The following IFNAR2 variants were observed in gnomAD, a reference collection of about 807,000 sequenced individuals.
The protein encoded by IFNAR2 is interferon alpha and beta receptor subunit 2, also known as interferon alpha/beta receptor 2.
A neutral mutation model predicts 49.4 loss-of-function variants in IFNAR2; 30 were observed. The ratio of observed to expected loss-of-function variants is 0.61; its 90% CI spans 0.45 to 0.82. The LOEUF is 0.82. IFNAR2 is among the 40% of genes least tolerant of loss of function. IFNAR2 has a pLI of 0.00. For missense variants in IFNAR2, 600 were observed against 622.7 expected (o/e 0.96, Z 0.39); for synonymous variants, 224 against 234.5 (o/e 0.96, Z 0.41).
At position 33,263,344 on chromosome 21, in the gene IFNAR2, T is replaced by C; in HGVS notation, c.1392T>C (p.Asn464=). 1 of 1,614,152 alleles carries C rather than the reference T, an allele frequency of 6.2e-7. No homozygotes were observed. The highest frequency in any genetic ancestry group is 1.6e-4 in the Middle Eastern group (1 of 6,062). The change falls in exon 9 of 9, where the codon AAT becomes AAC. Residue 464 remains asparagine, a synonymous_variant. Transcript: ENST00000342136. ...TGGTTGACCCAGAGGATCCTGATAA[T>C]GTGCAATCAAACCATTTGCTGGCCA... ...EEMVDPEDPD[N]VQSNHLLASG... is the part of the protein sequence containing the mutation.
At position 33,230,123 on chromosome 21, in the gene IFNAR2, C is replaced by T. The variant is rs17860117; in HGVS notation, c.-177C>T. The T allele has an allele frequency of 5.0e-6, 5 of 992,442 alleles. No homozygotes were observed. In the African/African-American group the frequency reaches 8.7e-5, roughly 17 times the overall value. The allele number at this position is 992,442 out of a possible 1,614,324, so 61.5% of individuals were successfully genotyped here. On this transcript the variant is annotated 5_prime_UTR_variant, in exon 1 of 9. Coordinates refer to ENST00000342136, the MANE Select transcript of IFNAR2 (RefSeq NM_001289125.3). The surrounding 1 kb of genome is among the most constrained non-coding windows in gnomAD (Gnocchi z 5.5). ...TCTGTCCGAGAGGCCGCCCGCGAGG[C>T]GCATCCTGACCGCGAGCGTCGGGTC...
At chr21:33,259,980 C>G (rs936503317) in intron 7 of IFNAR2, among the ~76,000 whole-genome samples, 3 of 152,180 alleles carry the variant, frequency 2.0e-5, no homozygotes, top group African/African-American at 7.2e-5. Flanking sequence ...TGCAAGAGAG[C>G]CTTAGTGATA....
intron 6 of IFNAR2, chr21:33,252,388 C>A: frequency 8.7e-7 from 1 of 1,146,286 alleles, no homozygotes; most frequent in Non-Finnish European, 1.1e-6. Context: ...ACTTTTATTC[C>A]TCTTTGAAGA....
chr21:33,254,741 CT>C (rs1375322586), intron 7 of IFNAR2, among the ~76,000 whole-genome samples: 6 of 152,186 alleles, frequency 3.9e-5, no homozygotes, highest in Non-Finnish European at 7.3e-5. Flanking sequence ...ATTGTCCCAC[CT>C]TTCCAGATTG....
At chr21:33,257,890 G>A (rs911688294) in intron 7 of IFNAR2, among the ~76,000 whole-genome samples, 1 of 152,182 alleles carries the variant, frequency 6.6e-6, no homozygotes, top group Non-Finnish European at 1.5e-5. Flanking sequence ...GGTAGCATTT[G>A]AATAAAGACC....
rs572577422 is a variant in IFNAR2, at chr21:33,254,581, A to T, written c.709+1751A>T. On this transcript the variant is annotated intron_variant, in intron 7 of 8. Transcript: ENST00000342136. ...AAACATTTACAGTCTGTTCTCTCTG[A>T]AGCCTGCTACCAGAGGCTTCATCTG... Among the ~76,000 whole-genome samples the T allele has an allele frequency of 2.0e-5, 3 of 152,318 alleles. No individual in the cohort carries two copies. In the East Asian group the frequency reaches 5.8e-4, roughly 29 times the overall value.
Position 33,242,728 on chromosome 21 carries a change from CAAA to C in IFNAR2, c.55+769_55+771del, listed in dbSNP as rs1182507309. 1.6e-4 allele frequency among the ~76,000 whole-genome samples: 8 copies of C among 48,584 alleles called. 1 individual carries two copies. Among genetic ancestry groups the C allele is most frequent in the South Asian group, 9.2e-4 (1 of 1,092 alleles). 31.9% of individuals were successfully genotyped at this position (48,584 alleles called of 152,430 possible). A position where few individuals can be genotyped will look rare whatever the true frequency, so the allele number is the denominator to read the frequency against. On this transcript the variant is annotated intron_variant, in intron 2 of 8. Transcript: ENST00000342136. ...AGCCTGACAGAGCAAGACTCTGTCT[CAAA>C]AAAAAAAAAAAAAAAAATCTCGTGT...
chr21:33,242,426 C>A (rs1601795720), intron 2 of IFNAR2, among the ~76,000 whole-genome samples: 1 of 152,056 alleles, frequency 6.6e-6, no homozygotes, highest in South Asian at 2.1e-4. Flanking sequence ...CAAGGAAATT[C>A]TTTGATGTTA....
At position 33,265,148 on chromosome 21, in the gene IFNAR2, G is replaced by A. The variant is rs1988880608; in HGVS notation, c.*1648G>A. 6.6e-6 allele frequency: 1 copy of A among 152,138 alleles called. No homozygotes were observed. The highest frequency in any genetic ancestry group is 1.5e-5 in the Non-Finnish European group (1 of 68,032). 9.4% of individuals were successfully genotyped at this position (152,138 alleles called of 1,614,324 possible). On this transcript the variant is annotated 3_prime_UTR_variant, in exon 9 of 9. Transcript: ENST00000342136. The stretch of plus-strand genomic sequence containing the variant: ...AGGTTTTTTGTTTCTGAAGTAAAAG[G>A]ATTGGACTAGGTAATCTCCAAGATC...
chr21:33,238,429 G>A (rs150012094), intron 1 of IFNAR2, among the ~76,000 whole-genome samples: 148 of 152,256 alleles, frequency 9.7e-4, no homozygotes, highest in African/African-American at 3.4e-3. Context: ...TTTCCCCAGT[G>A]TTTGGGGGAC....
intron 7 of IFNAR2, among the ~76,000 whole-genome samples, chr21:33,255,135 A>G (rs1988119522): frequency 6.6e-6 from 1 of 152,242 alleles, no homozygotes; most frequent in Non-Finnish European, 1.5e-5. Context: ...TATGTCAGCA[A>G]ATACAGGCAA....
At chr21:33,244,126 C>T (rs1011847168) in intron 3 of IFNAR2, among the ~76,000 whole-genome samples, 3 of 152,004 alleles carry the variant, frequency 2.0e-5, no homozygotes, top group African/African-American at 7.3e-5. Flanking sequence ...TAAATCTGTC[C>T]ACAAAACTTC....
In IFNAR2 at chr21:33,263,265, A is replaced by T; in HGVS notation, c.1313A>T (p.Glu438Val). ...GTGTTTTTGAGAGTTCTTGATGACG[A>T]GGACAGTGACGACTTAGAAGCCCCT... ...NSVFLRVLDD[E>V]DSDDLEAPLM... The change falls in exon 9 of 9, where the codon GAG becomes GTG. Residue 438 changes from glutamate to valine, a missense_variant. By Grantham distance (121) the Glu-to-Val change is moderately radical (BLOSUM62 -2). Coordinates refer to ENST00000342136, the MANE Select transcript of IFNAR2 (RefSeq NM_001289125.3). 5 of 1,614,226 alleles carry T rather than the reference A, an allele frequency of 3.1e-6. No homozygotes were observed. Among genetic ancestry groups the T allele is most frequent in the Non-Finnish European group, 4.2e-6 (5 of 1,180,038 alleles).
rs1243365293 is a variant in IFNAR2 at position 33,234,223 on chromosome 21, G to GTGTGTGTA, written c.-84+4008_-84+4009insGTGTGTAT. On this transcript the variant is annotated intron_variant, in intron 1 of 8. Coordinates refer to ENST00000342136, the MANE Select transcript of IFNAR2 (RefSeq NM_001289125.3). ...TGTGTGTGTGTGTGTGTGTGTGTGT[G>GTGTGTGTA]TTTATGCATAGAAAGATCTGTGGGA... 2.0e-5 allele frequency among the ~76,000 whole-genome samples: 3 copies of GTGTGTGTA among 151,036 alleles called. No individual in the cohort carries two copies. The South Asian group carries it at 6.3e-4, about 32-fold the overall frequency.
chr21:33,242,112 T>A, intron 2 of IFNAR2, 135 bp downstream of exon 2: 1 of 701,832 alleles, frequency 1.4e-6, no homozygotes, highest in Non-Finnish European at 2.3e-6. Context: ...TGTCAGGAGT[T>A]AAGTGGAAAG....
In IFNAR2 at chr21:33,252,839, A is replaced by C. The variant is rs932621997; in HGVS notation, c.709+9A>C. On this transcript the variant is annotated intron_variant, in intron 7 of 8. Coordinates refer to ENST00000342136, the MANE Select transcript of IFNAR2 (RefSeq NM_001289125.3). ...ACCTGGCCAGGAATCAGGTATGTTC[A>C]TTTTTTTAAATTCATGTTTTGAGTA... 1.9e-6 allele frequency: 3 copies of C among 1,604,918 alleles called. No individual in the cohort carries two copies. Among genetic ancestry groups the C allele is most frequent in the Non-Finnish European group, 2.6e-6 (3 of 1,171,712 alleles).
At position 33,246,292 on chromosome 21, in the gene IFNAR2, A is replaced by C. The variant is rs372414048; in HGVS notation, c.222-426A>C. ...TCACCATGTTAGCCAGGATGGTCTC[A>C]ATCTCCTGACCTCGTGATCCGCCCG... On this transcript the variant is annotated intron_variant, in intron 4 of 8. Coordinates refer to ENST00000342136, the MANE Select transcript of IFNAR2 (RefSeq NM_001289125.3). Among the ~76,000 whole-genome samples, 14 of 151,922 alleles carry C rather than the reference A, an allele frequency of 9.2e-5. No individual in the cohort carries two copies. In the East Asian group the frequency reaches 1.9e-3, roughly 21 times the overall value.
chr21:33,263,559 C>T lies in IFNAR2; in HGVS notation c.*59C>T, dbSNP rs1412764111. 19 of 1,486,792 alleles carry T rather than the reference C, an allele frequency of 1.3e-5. No homozygotes were observed. The highest frequency in any genetic ancestry group is 1.7e-5 in the Non-Finnish European group (19 of 1,112,662). 92.1% of individuals were successfully genotyped at this position (1,486,792 alleles called of 1,614,324 possible). On this transcript the variant is annotated 3_prime_UTR_variant, in exon 9 of 9. Coordinates refer to ENST00000342136, the MANE Select transcript of IFNAR2 (RefSeq NM_001289125.3). ...GCACCTACAGGGTTCTTTGTCTCTG[C>T]ATCCTAACTTGCTGCCTTATCGTCT...
chr21:33,248,391 A>AGG (rs915729254), intron 5 of IFNAR2, among the ~76,000 whole-genome samples: 1 of 90,094 alleles, frequency 1.1e-5, no homozygotes, highest in African/African-American at 4.2e-5. Context: ...GGAGGGAGGG[A>AGG]GGGGGGGAGA....
Sources: gnomAD v4.1 joint callset for allele counts (sites outside exome capture counted in the v4.1 genomes callset) on GRCh38, gnomAD v4.1.1 for gene constraint, Gnocchi (gnomAD v3.1) non-coding constraint, MANE v1.5 for transcripts, NCBI Gene and HGNC (gene_info 2026-07-23, HGNC 2026-07-21) for gene names.